Variants in THSD4 observed in about 807,000 individuals in gnomAD.
The protein encoded by THSD4 is thrombospondin type-1 domain-containing protein 4.
Under a neutral mutation model 119.0 loss-of-function variants are expected in THSD4, and 69 were observed. That is an observed-to-expected ratio of 0.58 (90% CI 0.48 to 0.71). The LOEUF (loss-of-function observed/expected upper bound fraction) is 0.71, where lower values mean the gene tolerates loss of function less well. THSD4 is among the 30% of genes least tolerant of loss of function. The pLI is 0.00. For missense variants in THSD4, 1,393 were observed against 1,391.1 expected (o/e 1.00, Z -0.02); for synonymous variants, 524 against 540.4 (o/e 0.97, Z 0.42).
chr15:71,613,249 G>A (rs1285714968), intron 7 of THSD4, among the ~76,000 whole-genome samples: 1 of 152,112 alleles, frequency 6.6e-6, no homozygotes, highest in Non-Finnish European at 1.5e-5. Context: ...GCCCCTCTTG[G>A]AGATTCATAA....
intron 8 of THSD4, among the ~76,000 whole-genome samples, chr15:71,723,011 G>A (rs145815186): frequency 6.6e-6 from 1 of 151,584 alleles, no homozygotes; most frequent in African/African-American, 2.4e-5. Flanking sequence ...GTATTCCATT[G>A]TGTGGATGGC....
chr15:71,612,747 C>T (rs2140913388), intron 7 of THSD4, among the ~76,000 whole-genome samples: 1 of 152,294 alleles, frequency 6.6e-6, no homozygotes, highest in East Asian at 1.9e-4. Context: ...TATTTCCCAA[C>T]AGAGAGTCAA....
chr15:71,408,440 C>T (rs1366834009), intron 6 of THSD4, among the ~76,000 whole-genome samples: 1 of 152,048 alleles, frequency 6.6e-6, no homozygotes, highest in Admixed American at 6.5e-5. Context: ...ATTATGTTGC[C>T]CAGGCTGGTC....
intron 8 of THSD4, among the ~76,000 whole-genome samples, chr15:71,687,680 G>A (rs528618451): frequency 2.8e-4 from 43 of 151,566 alleles, no homozygotes; most frequent in Admixed American, 7.9e-4. Flanking sequence ...GCTTGAACCC[G>A]GGAGACGGAG....
At chr15:71,715,052 G>T (rs2052581223) in intron 8 of THSD4, among the ~76,000 whole-genome samples, 1 of 152,110 alleles carries the variant, frequency 6.6e-6, no homozygotes, top group Non-Finnish European at 1.5e-5. Flanking sequence ...CAGGAGTATG[G>T]CATGCGAGAA....
chr15:71,144,489 A>AGG (rs2040637378), intron 2 of THSD4, among the ~76,000 whole-genome samples: 1 of 152,212 alleles, frequency 6.6e-6, no homozygotes, highest in Admixed American at 6.5e-5. Flanking sequence ...ATAAAGATCA[A>AGG]TTGGAGAAGC....
At chr15:71,452,661 G>T (rs1355085303) in intron 7 of THSD4, among the ~76,000 whole-genome samples, 1 of 151,972 alleles carries the variant, frequency 6.6e-6, no homozygotes, top group Non-Finnish European at 1.5e-5. Context: ...TGTCGCTCAG[G>T]CTGGAGTGCA....
intron 7 of THSD4, among the ~76,000 whole-genome samples, chr15:71,658,265 C>T (rs1163465121): frequency 1.3e-5 from 2 of 152,206 alleles, no homozygotes; most frequent in Non-Finnish European, 2.9e-5. Context: ...ACTCTCCAGC[C>T]TCGTATTATC....
intron 6 of THSD4, among the ~76,000 whole-genome samples, chr15:71,292,030 G>T (rs1030688083): frequency 6.6e-6 from 1 of 152,146 alleles, no homozygotes; most frequent in Non-Finnish European, 1.5e-5. Flanking sequence ...TTTAGCTTCT[G>T]CATATCTAAA....
At position 71,330,336 on chromosome 15, in the gene THSD4, C is replaced by T. The variant is rs1409499873; in HGVS notation, c.1015+73621C>T. Among the ~76,000 whole-genome samples the T allele has an allele frequency of 2.0e-5, 3 of 152,160 alleles. No individual in the cohort carries two copies. The East Asian group carries it at 5.8e-4, about 29-fold the overall frequency. On this transcript the variant is annotated intron_variant, in intron 6 of 17. Transcript: ENST00000261862. ...TGGGTATGACATGTACTTTCTAAAGCTATTCTAAGAATGGCATGCAGTTGT... is the reference window on the plus strand; with the variant it reads ...TGGGTATGACATGTACTTTCTAAAGTTATTCTAAGAATGGCATGCAGTTGT...
At chr15:71,240,569 C>G (rs2044143340) in intron 4 of THSD4, among the ~76,000 whole-genome samples, 1 of 152,084 alleles carries the variant, frequency 6.6e-6, no homozygotes, top group African/African-American at 2.4e-5. Context: ...TGTGAACACT[C>G]AAGTTTGAGA....
chr15:71,619,931 T>C (rs990063716), intron 7 of THSD4, among the ~76,000 whole-genome samples: 2 of 152,232 alleles, frequency 1.3e-5, no homozygotes, highest in African/African-American at 4.8e-5. Context: ...ATTCGACATA[T>C]TCTCCATCAA....
chr15:71,639,882 A>G (rs1467063757), intron 7 of THSD4, among the ~76,000 whole-genome samples: 1 of 151,940 alleles, frequency 6.6e-6, no homozygotes, highest in Non-Finnish European at 1.5e-5. Context: ...CCAGAAAAAT[A>G]TGTTACTCCT....
chr15:71,688,488 T>G (rs1172509788), intron 8 of THSD4, among the ~76,000 whole-genome samples: 1 of 152,336 alleles, frequency 6.6e-6, no homozygotes, highest in East Asian at 1.9e-4. Context: ...GTAAAACTGT[T>G]GTTACTCCAG....
At chr15:71,354,551 A>C (rs1224738150) in intron 6 of THSD4, among the ~76,000 whole-genome samples, 1 of 152,204 alleles carries the variant, frequency 6.6e-6, no homozygotes, top group East Asian at 1.9e-4. Flanking sequence ...ATTTAACATA[A>C]ATTTGTTGAA....
intron 6 of THSD4, 144 bp downstream of exon 6, chr15:71,256,859 A>G: frequency 1.5e-6 from 1 of 686,470 alleles, no homozygotes; most frequent in Non-Finnish European, 2.4e-6. Flanking sequence ...GGCAAAGAGA[A>G]GCCTGCATGG....
intron 7 of THSD4, among the ~76,000 whole-genome samples, chr15:71,609,035 C>T (rs2050170581): frequency 1.3e-5 from 2 of 152,092 alleles, no homozygotes; most frequent in African/African-American, 4.8e-5. Flanking sequence ...TCCAGGATCC[C>T]CTTGGCTTGC....
chr15:71,126,390 A>G (rs571070252), intron 1 of THSD4, among the ~76,000 whole-genome samples: 71 of 152,318 alleles, frequency 4.7e-4, no homozygotes, highest in African/African-American at 1.7e-3. Context: ...GGGTGTTACT[A>G]GAGGCCAAGT....
At chr15:71,391,738 G>A (rs571354925) in intron 6 of THSD4, among the ~76,000 whole-genome samples, 1 of 152,276 alleles carries the variant, frequency 6.6e-6, no homozygotes, top group African/African-American at 2.4e-5. Context: ...CCTTCATTAA[G>A]ACTTGTGTTT....
Sources: gnomAD v4.1 joint callset for allele counts (sites outside exome capture counted in the v4.1 genomes callset) on GRCh38, gnomAD v4.1.1 for gene constraint, MANE v1.5 for transcripts, NCBI Gene and HGNC (gene_info 2026-07-23, HGNC 2026-07-21) for gene names.